Variants in CACNA1A observed in about 807,000 individuals in gnomAD.
The protein encoded by CACNA1A is calcium voltage-gated channel subunit alpha1 A.
In CACNA1A, 57 loss-of-function variants were observed where a neutral mutation model predicts 262.4. The ratio of observed to expected loss-of-function variants is 0.22; its 90% CI spans 0.18 to 0.27. The LOEUF is 0.27. CACNA1A is among the 10% of genes least tolerant of loss of function. CACNA1A has a pLI of 1.00. For missense variants in CACNA1A, 2,526 were observed against 3,562.8 expected (o/e 0.71, Z 7.41); for synonymous variants, 1,431 against 1,419.3 (o/e 1.01, Z -0.18).
chr19:13,284,180 C>T (rs1265081624), intron 21 of CACNA1A: 2 of 152,230 alleles, frequency 1.3e-5, no homozygotes, highest in Non-Finnish European at 2.9e-5. Context: ...GAATTCACGT[C>T]TCTGGACCTC....
chr19:13,384,264 A>G (rs1229915081), intron 3 of CACNA1A, among the ~76,000 whole-genome samples: 1 of 152,170 alleles, frequency 6.6e-6, no homozygotes, highest in African/African-American at 2.4e-5. Context: ...GGTGTGGCAG[A>G]GGACAGGGTT....
chr19:13,214,495 T>C lies in CACNA1A; in HGVS notation c.5839+6A>G. On this transcript the variant is annotated splice_donor_region_variant and intron_variant, in intron 39 of 46. Coordinates refer to ENST00000360228, the MANE Select transcript of CACNA1A (RefSeq NM_001127222.2). The surrounding 1 kb of genome is among the most constrained non-coding windows in gnomAD (Gnocchi z 4.1). Reference sequence around the variant, plus strand: ...ATTGGATCCCAGGGCTGGGCTCAGCTCTTACACTTGTGAGGTGTGACCAGC... The same window carrying C: ...ATTGGATCCCAGGGCTGGGCTCAGCCCTTACACTTGTGAGGTGTGACCAGC... The C allele has an allele frequency of 6.2e-7, 1 of 1,609,430 alleles. No individual in the cohort carries two copies. Among genetic ancestry groups the C allele is most frequent in the Non-Finnish European group, 8.5e-7 (1 of 1,175,978 alleles).
intron 10 of CACNA1A, among the ~76,000 whole-genome samples, chr19:13,324,573 T>G (rs1054910605): frequency 6.6e-6 from 1 of 152,066 alleles, no homozygotes; most frequent in African/African-American, 2.4e-5. Context: ...CAATTACCAT[T>G]TGTCAGCTGC....
chr19:13,434,127 C>T (rs903364013), intron 3 of CACNA1A, among the ~76,000 whole-genome samples: 25 of 152,174 alleles, frequency 1.6e-4, no homozygotes, highest in African/African-American at 5.6e-4. Flanking sequence ...CCTGGCCACA[C>T]ACATGTTATA....
chr19:13,346,633 TA>T (rs2058771581), intron 6 of CACNA1A, among the ~76,000 whole-genome samples: 5 of 3,486 alleles, frequency 1.4e-3, no homozygotes, highest in Non-Finnish European at 2.8e-3. Context: ...TATATATATA[TA>T]TATATATATA....
Position 13,457,340 on chromosome 19 carries a change from T to A in CACNA1A, c.294-2128A>T, listed in dbSNP as rs547121650. Among the ~76,000 whole-genome samples, 8 of 152,196 alleles carry A rather than the reference T, an allele frequency of 5.3e-5. No homozygotes were observed. In the East Asian group the frequency reaches 1.2e-3, roughly 22 times the overall value. Reference sequence around the variant, plus strand: ...ATTCCTTGGTTCCTCAAAAAGTTAATCACAGAGTTACCATGTGACACACAG... The same window carrying A: ...ATTCCTTGGTTCCTCAAAAAGTTAAACACAGAGTTACCATGTGACACACAG... On this transcript the variant is annotated intron_variant, in intron 1 of 46. Transcript: ENST00000360228.
At chr19:13,352,312 T>C (rs1317869498) in intron 6 of CACNA1A, among the ~76,000 whole-genome samples, 1 of 148,062 alleles carries the variant, frequency 6.8e-6, no homozygotes, top group Non-Finnish European at 1.5e-5. Flanking sequence ...GAGGAAGAGG[T>C]AGGAGAATTG....
intron 3 of CACNA1A, among the ~76,000 whole-genome samples, chr19:13,398,542 A>G (rs1213704923): frequency 6.6e-6 from 1 of 152,178 alleles, no homozygotes; most frequent in Non-Finnish European, 1.5e-5. Context: ...TTGTTGAATG[A>G]GCTATCAGCT....
chr19:13,261,663 T>C, intron 25 of CACNA1A, 53 bp from the exon 26 acceptor site: 2 of 1,557,316 alleles, frequency 1.3e-6, no homozygotes, highest in Non-Finnish European at 1.8e-6. Flanking sequence ...TGCCCAACCT[T>C]CTGCCTCCAG....
At chr19:13,343,023 G>A (rs951987289) in intron 6 of CACNA1A, among the ~76,000 whole-genome samples, 1 of 151,976 alleles carries the variant, frequency 6.6e-6, no homozygotes, top group Non-Finnish European at 1.5e-5. Flanking sequence ...CCAAAGTGCT[G>A]GGATTTCAGG....
chr19:13,254,031 G>C (rs1600177591), intron 29 of CACNA1A, among the ~76,000 whole-genome samples: 2 of 152,140 alleles, frequency 1.3e-5, no homozygotes, highest in Non-Finnish European at 2.9e-5. Flanking sequence ...GAGCCACCTT[G>C]CCCGGCCACT....
intron 12 of CACNA1A, 68 bp downstream of exon 12, chr19:13,312,601 T>C (rs1457018877): frequency 1.8e-5 from 16 of 878,954 alleles, no homozygotes; most frequent in Non-Finnish European, 2.7e-5. Flanking sequence ...CTCCCTTTAA[T>C]GTGTCCAGGT....
At chr19:13,322,626 C>T (rs1252776509) in intron 10 of CACNA1A, among the ~76,000 whole-genome samples, 1 of 151,456 alleles carries the variant, frequency 6.6e-6, no homozygotes, top group Non-Finnish European at 1.5e-5. Flanking sequence ...GATGGAGTCT[C>T]ACTCTGTCAC....
chr19:13,411,106 C>T (rs932512167), intron 3 of CACNA1A, among the ~76,000 whole-genome samples: 1 of 152,156 alleles, frequency 6.6e-6, no homozygotes, highest in African/African-American at 2.4e-5. Flanking sequence ...AGGTTATTTC[C>T]TTTGCCATTA....
intron 3 of CACNA1A, among the ~76,000 whole-genome samples, chr19:13,424,367 C>CACAA (rs534908974): frequency 9.9e-4 from 150 of 152,238 alleles, no homozygotes; most frequent in Non-Finnish European, 1.2e-3. Context: ...GAGACTCCGT[C>CACAA]ACAAACAAAC....
intron 23 of CACNA1A, 83 bp from the exon 24 acceptor site, chr19:13,276,039 G>T: frequency 1.2e-6 from 1 of 834,056 alleles, no homozygotes; most frequent in Non-Finnish European, 2.0e-6. Context: ...AGCCTCTCGG[G>T]GAGAGGCAGG....
Position 13,212,076 on chromosome 19 carries a change from C to T in CACNA1A, c.6303+27G>A, listed in dbSNP as rs374657742. 2.0e-6 allele frequency: 3 copies of T among 1,529,540 alleles called. No homozygotes were observed. The highest frequency in any genetic ancestry group is 2.7e-5 in the African/African-American group (2 of 73,386). The allele number at this position is 1,529,540 out of a possible 1,614,324, so 94.7% of individuals were successfully genotyped here. The stretch of plus-strand genomic sequence containing the variant: ...ACCCAGTGCAGAGTGAGGGGTCCAG[C>T]CCCAGGGCAGTGGTGAAAGCCCTCA... On this transcript the variant is annotated intron_variant, in intron 43 of 46. Transcript: ENST00000360228. This position sits in a 1 kb window ranked among gnomAD's most constrained non-coding sequence, Gnocchi z 5.6.
At chr19:13,381,700 A>G (rs2059526047) in intron 3 of CACNA1A, among the ~76,000 whole-genome samples, 1 of 152,226 alleles carries the variant, frequency 6.6e-6, no homozygotes, top group African/African-American at 2.4e-5. Flanking sequence ...TGTTCCAGCC[A>G]CACCAATTCA....
chr19:13,358,858 G>A (rs374595359), intron 6 of CACNA1A, among the ~76,000 whole-genome samples: 196 of 152,238 alleles, frequency 1.3e-3, no homozygotes, highest in Non-Finnish European at 2.2e-3. Flanking sequence ...TTTAGAATCC[G>A]GATATCTGCA....
Sources: allele counts gnomAD v4.1 joint callset (sites outside exome capture counted in the v4.1 genomes callset), GRCh38; gene constraint gnomAD v4.1.1; non-coding constraint Gnocchi (gnomAD v3.1); transcripts MANE v1.5; gene names NCBI Gene and HGNC (gene_info 2026-07-23, HGNC 2026-07-21).